Variants in THUMPD2 observed in about 807,000 individuals in gnomAD.
The protein encoded by THUMPD2 is THUMP domain 2 tRNA and snRNA guanosine methyltransferase.
In THUMPD2, 56 loss-of-function variants were observed where a neutral mutation model predicts 49.4. The observed-to-expected ratio is 1.13, with a 90% CI of 0.91 to 1.41. The LOEUF (loss-of-function observed/expected upper bound fraction) is 1.41. Among genes scored for constraint, THUMPD2 ranks in the 40% most tolerant of loss-of-function variants. The pLI is 0.00. For synonymous variants in THUMPD2, 237 were observed against 205.2 expected, an observed-to-expected ratio of 1.15 and a Z score of -1.32; for missense variants, 709 against 594.5, an observed-to-expected ratio of 1.19 and a Z score of -2.00.
intron 1 of THUMPD2, among the ~76,000 whole-genome samples, chr2:39,773,544 T>C (rs1196628700): frequency 7.0e-6 from 1 of 143,118 alleles, no homozygotes; most frequent in Non-Finnish European, 1.5e-5. Context: ...ATAAAATATA[T>C]ATTTATATTT....
intron 1 of THUMPD2, among the ~76,000 whole-genome samples, chr2:39,778,752 C>G (rs569058613): frequency 2.0e-5 from 3 of 152,326 alleles, no homozygotes; most frequent in African/African-American, 7.2e-5. Flanking sequence ...AGTCAGGTAA[C>G]TGAACTTGGA....
At chr2:39,769,478 G>A (rs534996107) in intron 3 of THUMPD2, 5 of 390,378 alleles carry the variant, frequency 1.3e-5, no homozygotes, top group Admixed American at 1.3e-4. Flanking sequence ...GAGGTGGTTG[G>A]ATCACTTGAG....
rs2148375140 is a variant in THUMPD2, at chr2:39,779,176, C to G, written c.64G>C (p.Ala22Pro). ...PEAGARFFCT[A>P]GRGLEPFVMR... ...ACGAACGGCTCCAGGCCGCGACCCGCAGTGCAGAAGAATCGGGCGCCAGCC... is the reference window on the plus strand; with the variant it reads ...ACGAACGGCTCCAGGCCGCGACCCGGAGTGCAGAAGAATCGGGCGCCAGCC... The change falls in exon 1 of 10, where the codon GCG becomes CCG. Residue 22 changes from alanine to proline, a missense_variant. Coordinates refer to ENST00000505747, the MANE Select transcript of THUMPD2 (RefSeq NM_025264.5). The G allele has an allele frequency of 2.0e-6, 3 of 1,521,008 alleles. No individual in the cohort carries two copies. The African/African-American group carries it at 4.3e-5, about 22-fold the overall frequency. The allele number at this position is 1,521,008 out of a possible 1,614,324, so 94.2% of individuals were successfully genotyped here.
chr2:39,775,995 A>T (rs186107333), intron 1 of THUMPD2, among the ~76,000 whole-genome samples: 1 of 152,290 alleles, frequency 6.6e-6, no homozygotes, highest in African/African-American at 2.4e-5. Flanking sequence ...GTTTATAAAG[A>T]TCAATGAATC....
Position 39,769,830 on chromosome 2 carries a change from A to C in THUMPD2, c.552T>G (p.Phe184Leu). 6.2e-7 allele frequency: 1 copy of C among 1,611,854 alleles called. No homozygotes were observed. Among genetic ancestry groups the C allele is most frequent in the Non-Finnish European group, 8.5e-7 (1 of 1,179,446 alleles). ...TGTCATTCTGAAATTCTTCTTCTTG[A>C]AACTTTTCGCTTTTAGTGGTAAAAT... Reference protein sequence around the residue: ...QRDFTTKSEKFQEEEFQNDIE... With the variant: ...QRDFTTKSEKLQEEEFQNDIE... The change falls in exon 3 of 10, where the codon TTT becomes TTG. Residue 184 changes from phenylalanine to leucine, a missense_variant. By Grantham distance (22) the Phe-to-Leu change is conservative (BLOSUM62 0). Transcript: ENST00000505747.
At chr2:39,745,738 T>C (rs1169794503) in intron 8 of THUMPD2, among the ~76,000 whole-genome samples, 1 of 152,218 alleles carries the variant, frequency 6.6e-6, no homozygotes, top group African/African-American at 2.4e-5. Flanking sequence ...ACTTTGCTGC[T>C]CTATATTATA....
chr2:39,759,452 A>G (rs1022334684), intron 6 of THUMPD2, among the ~76,000 whole-genome samples: 1 of 152,082 alleles, frequency 6.6e-6, no homozygotes, highest in Non-Finnish European at 1.5e-5. Context: ...ATCCCATGAG[A>G]TATTACTACT....
At chr2:39,754,772 G>C (rs968495836) in intron 8 of THUMPD2, among the ~76,000 whole-genome samples, 1 of 152,182 alleles carries the variant, frequency 6.6e-6, no homozygotes, top group African/African-American at 2.4e-5. Context: ...CTACCTCACA[G>C]GGTGGCCAAC....
intron 2 of THUMPD2, among the ~76,000 whole-genome samples, chr2:39,770,405 T>C (rs542822302): frequency 2.7e-4 from 41 of 152,290 alleles, no homozygotes; most frequent in African/African-American, 9.4e-4. Context: ...TGGTAATATA[T>C]GTATCTCTTC....
Position 39,779,215 on chromosome 2 carries a change from C to A in THUMPD2, c.25G>T (p.Gly9Trp). 2.0e-6 allele frequency: 3 copies of A among 1,503,158 alleles called. No homozygotes were observed. Among genetic ancestry groups the A allele is most frequent in the Non-Finnish European group, 1.8e-6 (2 of 1,132,030 alleles). 93.1% of individuals were successfully genotyped at this position (1,503,158 alleles called of 1,614,324 possible). MSEARGEP[G>W]SGPEAGARFF... The stretch of plus-strand genomic sequence containing the variant: ...CGGGCGCCAGCCTCAGGCCCGGACC[C>A]TGGCTCTCCACGCGCCTCCGACATG... The change falls in exon 1 of 10, where the codon GGG becomes TGG. Residue 9 changes from glycine to tryptophan, a missense_variant. Physicochemically the swap from Gly to Trp is radical, Grantham distance 184. Coordinates refer to ENST00000505747, the MANE Select transcript of THUMPD2 (RefSeq NM_025264.5).
chr2:39,777,201 T>C (rs968582373), intron 1 of THUMPD2, among the ~76,000 whole-genome samples: 1 of 152,256 alleles, frequency 6.6e-6, no homozygotes, highest in African/African-American at 2.4e-5. Context: ...AGTAATCCTT[T>C]AAAGTAGCTA....
chr2:39,772,192 G>A (rs1678422311), intron 1 of THUMPD2, among the ~76,000 whole-genome samples: 1 of 152,208 alleles, frequency 6.6e-6, no homozygotes, highest in Non-Finnish European at 1.5e-5. Flanking sequence ...GGGCAGATGC[G>A]GAAGTGGGGG....
rs984960643 is a variant in THUMPD2, at chr2:39,773,558, AATAT to A, written c.127-1922_127-1919del. 3.6e-3 allele frequency among the ~76,000 whole-genome samples: 145 copies of A among 40,262 alleles called. 1 individual carries two copies. Among genetic ancestry groups the A allele is most frequent in the Admixed American group, 6.2e-3 (21 of 3,388 alleles). The allele number at this position is 40,262 out of a possible 152,430, so 26.4% of individuals were successfully genotyped here. On this transcript the variant is annotated intron_variant, in intron 1 of 9. Transcript: ENST00000505747. The stretch of plus-strand genomic sequence containing the variant: ...TATAAAATATATATTTATATTTAAA[AATAT>A]ATATATATTTATATTTTAAAAATAT...
chr2:39,749,795 C>T (rs1351219820), intron 8 of THUMPD2, among the ~76,000 whole-genome samples: 1 of 152,116 alleles, frequency 6.6e-6, no homozygotes, highest in East Asian at 1.9e-4. Context: ...TGTGTTGTCC[C>T]CCAACCACGT....
Position 39,766,307 on chromosome 2 carries a change from T to C in THUMPD2, c.751-198A>G, listed in dbSNP as rs902123264. The C allele has an allele frequency of 7.3e-6, 3 of 413,006 alleles. No homozygotes were observed. The South Asian group carries it at 1.6e-4, about 23-fold the overall frequency. 25.6% of individuals were successfully genotyped at this position (413,006 alleles called of 1,614,324 possible). A position where few individuals can be genotyped will look rare whatever the true frequency, so the allele number is the denominator to read the frequency against. The stretch of plus-strand genomic sequence containing the variant: ...AAGGAAACTAAATTTTAAGTACATT[T>C]CATAGAAAAATTCTGAGGTCAATTT... On this transcript the variant is annotated intron_variant, in intron 4 of 9. Transcript: ENST00000505747.
In THUMPD2 at chr2:39,761,387, T is replaced by C. The variant is rs569674526; in HGVS notation, c.835A>G (p.Thr279Ala). 2.2e-5 allele frequency: 36 copies of C among 1,613,822 alleles called. No homozygotes were observed. The highest frequency in any genetic ancestry group is 1.7e-4 in the Admixed American group (10 of 60,002). ...VSLASRAYIK[T>A]AGLRSTIAWA... ...GCTATTGTAGATCGCAGTCCAGCTG[T>C]CTTGATGTAAGCTCTGCTGGCTAGG... Residue 279 changes from threonine to alanine, a missense_variant, in exon 6 of 10, where the codon ACA becomes GCA. Thr to Ala is a moderately conservative substitution (Grantham distance 58). Transcript: ENST00000505747.
At chr2:39,738,454 C>G (rs555118806) in intron 9 of THUMPD2, among the ~76,000 whole-genome samples, 10 of 151,816 alleles carry the variant, frequency 6.6e-5, no homozygotes, top group African/African-American at 2.2e-4. Context: ...ATCCCAGGTA[C>G]TTGGGAGGCT....
intron 5 of THUMPD2, among the ~76,000 whole-genome samples, chr2:39,762,058 G>T (rs1261704887): frequency 2.0e-5 from 3 of 152,116 alleles, no homozygotes; most frequent in African/African-American, 7.2e-5. Flanking sequence ...AATGTTTCCA[G>T]ATTTGATAGA....
At chr2:39,739,385 T>C (rs1480030896) in intron 9 of THUMPD2, among the ~76,000 whole-genome samples, 2 of 152,206 alleles carry the variant, frequency 1.3e-5, no homozygotes, top group Admixed American at 6.5e-5. Context: ...CACTCATTCT[T>C]ATCACTCACG....
Sources: allele counts gnomAD v4.1 joint callset (sites outside exome capture counted in the v4.1 genomes callset), GRCh38; gene constraint gnomAD v4.1.1; transcripts MANE v1.5; gene names NCBI Gene and HGNC (gene_info 2026-07-23, HGNC 2026-07-21).